The following SEMA3D variants were observed in gnomAD, a reference collection of about 807,000 sequenced individuals.
SEMA3D encodes the protein semaphorin 3D.
Under a neutral mutation model 100.1 loss-of-function variants are expected in SEMA3D, and 84 were observed. The observed-to-expected ratio is 0.84, with a 90% CI of 0.70 to 1.01. The LOEUF (loss-of-function observed/expected upper bound fraction) is 1.01, where lower values mean the gene tolerates loss of function less well. SEMA3D is among the 50% of genes least tolerant of loss of function. SEMA3D has a pLI of 0.00. For missense variants in SEMA3D, 875 were observed against 934.1 expected, an observed-to-expected ratio of 0.94 and a Z score of 0.82; for synonymous variants, 312 against 320.7, an observed-to-expected ratio of 0.97 and a Z score of 0.29.
chr7:85,074,596 G>A (rs577214911), intron 5 of SEMA3D, among the ~76,000 whole-genome samples: 12 of 151,512 alleles, frequency 7.9e-5, no homozygotes, highest in African/African-American at 2.9e-4. Context: ...CAGATCTGAA[G>A]ATCTGAGGTA....
intron 18 of SEMA3D, among the ~76,000 whole-genome samples, chr7:85,005,971 A>T (rs1329625586): frequency 1.3e-5 from 2 of 152,046 alleles, no homozygotes; most frequent in African/African-American, 4.8e-5. Context: ...CATAAGAGAG[A>T]AACTCAGTTC....
chr7:85,025,506 A>G (rs1790368190), intron 12 of SEMA3D, among the ~76,000 whole-genome samples: 1 of 151,968 alleles, frequency 6.6e-6, no homozygotes, highest in Admixed American at 6.6e-5. Flanking sequence ...GGATAAGAGG[A>G]GAAAAATGGT....
intron 2 of SEMA3D, among the ~76,000 whole-genome samples, chr7:85,132,468 C>T (rs184930096): frequency 2.6e-3 from 390 of 151,962 alleles, no homozygotes; most frequent in Non-Finnish European, 4.3e-3. Flanking sequence ...ATATTTGTAG[C>T]ATACCAAGAG....
chr7:85,248,933 T>C, the SEMA3D span, among the ~76,000 whole-genome samples: 2 of 152,230 alleles, frequency 1.3e-5, no homozygotes, highest in African/African-American at 2.4e-5. Flanking sequence ...TCAAAACCCA[T>C]AGAATATACA....
At chr7:85,092,335 T>C (rs752407862) in intron 4 of SEMA3D, among the ~76,000 whole-genome samples, 1 of 152,078 alleles carries the variant, frequency 6.6e-6, no homozygotes, top group Non-Finnish European at 1.5e-5. Context: ...CTGAGTTTTA[T>C]ATTCTATTAC....
intron 9 of SEMA3D, among the ~76,000 whole-genome samples, chr7:85,055,467 G>T (rs1254692591): frequency 6.6e-6 from 1 of 151,256 alleles, no homozygotes; most frequent in African/African-American, 2.4e-5. Flanking sequence ...AAACTGTAAT[G>T]TTTGAAAAAT....
intron 1 of SEMA3D, among the ~76,000 whole-genome samples, chr7:85,169,322 A>G (rs1242645465): frequency 6.6e-6 from 1 of 151,840 alleles, no homozygotes; most frequent in Admixed American, 6.6e-5. Context: ...GTGGATATGC[A>G]CTAATTTAAT....
At chr7:85,188,465 GTACA>G (rs1172560860), upstream of SEMA3D, among the ~76,000 whole-genome samples, 2 of 151,934 alleles carry the variant, frequency 1.3e-5, no homozygotes, top group Non-Finnish European at 2.9e-5. Flanking sequence ...CACTCATTCT[GTACA>G]TAGTCATGCA....
intron 15 of SEMA3D, among the ~76,000 whole-genome samples, chr7:85,016,118 A>G (rs907236538): frequency 2.0e-5 from 3 of 151,804 alleles, no homozygotes; most frequent in Non-Finnish European, 4.4e-5. Flanking sequence ...TGCAATGAAC[A>G]CTGTTTAGTA....
chr7:85,115,029 G>A (rs1167028157), intron 3 of SEMA3D, among the ~76,000 whole-genome samples: 1 of 152,094 alleles, frequency 6.6e-6, no homozygotes, highest in East Asian at 1.9e-4. Flanking sequence ...AATCTTTTTG[G>A]CTACCCAGTG....
chr7:85,083,384 G>C (rs73179853), intron 4 of SEMA3D, among the ~76,000 whole-genome samples: 1 of 152,198 alleles, frequency 6.6e-6, no homozygotes, highest in African/African-American at 2.4e-5. Flanking sequence ...ACAATGGTTA[G>C]TCATAAACCC....
chr7:85,187,076 C>A (rs1446241765), upstream of SEMA3D, among the ~76,000 whole-genome samples: 1 of 152,130 alleles, frequency 6.6e-6, no homozygotes, highest in Non-Finnish European at 1.5e-5. Context: ...ATGCTGAAAA[C>A]GCCGGGGATT....
At chr7:85,135,845 C>G (rs1405275985) in intron 2 of SEMA3D, among the ~76,000 whole-genome samples, 1 of 150,714 alleles carries the variant, frequency 6.6e-6, no homozygotes, top group East Asian at 1.9e-4. Flanking sequence ...TATCACGTTT[C>G]TACTTCTCCT....
At chr7:85,189,469 T>TG (rs1276246169), upstream of SEMA3D, among the ~76,000 whole-genome samples, 2 of 152,026 alleles carry the variant, frequency 1.3e-5, no homozygotes, top group African/African-American at 4.8e-5. Flanking sequence ...TAAAACCCAG[T>TG]GGGAAAAAAA....
intron 2 of SEMA3D, among the ~76,000 whole-genome samples, chr7:85,136,956 T>C (rs1789883277): frequency 6.6e-6 from 1 of 152,134 alleles, no homozygotes; most frequent in South Asian, 2.1e-4. Context: ...TTTTTTAATG[T>C]AAATTTAGTA....
the SEMA3D span, among the ~76,000 whole-genome samples, chr7:85,250,219 G>C: frequency 6.9e-6 from 1 of 144,398 alleles, no homozygotes; most frequent in Non-Finnish European, 1.5e-5. Context: ...AGGGTCCTAC[G>C]TCCACGGAGT....
intron 4 of SEMA3D, among the ~76,000 whole-genome samples, chr7:85,094,792 A>C (rs1788501763): frequency 6.6e-6 from 1 of 152,054 alleles, no homozygotes; most frequent in Admixed American, 6.6e-5. Flanking sequence ...AGTATTCCCT[A>C]GCCGAAGAGA....
At chr7:85,058,767 A>G (rs1481968647) in intron 8 of SEMA3D, among the ~76,000 whole-genome samples, 1 of 147,226 alleles carries the variant, frequency 6.8e-6, no homozygotes, top group Non-Finnish European at 1.5e-5. Context: ...AAAAAAAAAA[A>G]GCAACTCTTT....
chr7:85,018,479 G>A (rs971909116), intron 14 of SEMA3D, among the ~76,000 whole-genome samples, 186 bp from the exon 15 acceptor site: 2 of 151,688 alleles, frequency 1.3e-5, no homozygotes, highest in South Asian at 4.1e-4. Context: ...TAACAGAAAT[G>A]ATAAAAAGTT....
Sources: gnomAD v4.1 joint callset for allele counts (sites outside exome capture counted in the v4.1 genomes callset) on GRCh38, gnomAD v4.1.1 for gene constraint, MANE v1.5 for transcripts, NCBI Gene and HGNC (gene_info 2026-07-23, HGNC 2026-07-21) for gene names.